Variants in TOX observed in about 807,000 individuals in gnomAD.
TOX encodes the protein thymocyte selection associated high mobility group box.
In TOX, 11 loss-of-function variants were observed where a neutral mutation model predicts 53.7. That is an observed-to-expected ratio of 0.20 (90% CI 0.13 to 0.34). The LOEUF (loss-of-function observed/expected upper bound fraction) is 0.34. TOX is among the 10% of genes least tolerant of loss of function. The pLI is 1.00. For missense variants in TOX, 570 were observed against 664.6 expected (o/e 0.86, Z 1.56); for synonymous variants, 225 against 245.3 (o/e 0.92, Z 0.77).
At chr8:58,906,070 A>G (rs755806576) in intron 3 of TOX, among the ~76,000 whole-genome samples, 5 of 152,328 alleles carry the variant, frequency 3.3e-5, no homozygotes, top group Non-Finnish European at 7.3e-5. Context: ...CTTCCTATTA[A>G]TCTTTCCCTG....
chr8:59,058,367 G>GA (rs1408674578), intron 1 of TOX, among the ~76,000 whole-genome samples: 2 of 152,188 alleles, frequency 1.3e-5, no homozygotes, highest in Admixed American at 1.3e-4. Context: ...AGGTGGGAAT[G>GA]AAAAATAGCA....
At chr8:58,970,920 A>G (rs1812990614) in intron 1 of TOX, among the ~76,000 whole-genome samples, 1 of 152,242 alleles carries the variant, frequency 6.6e-6, no homozygotes, top group Non-Finnish European at 1.5e-5. Context: ...CTAATTTTCC[A>G]GGGATACTGG....
intron 6 of TOX, among the ~76,000 whole-genome samples, chr8:58,823,519 T>C (rs1459523299): frequency 1.3e-5 from 2 of 152,190 alleles, no homozygotes; most frequent in East Asian, 3.9e-4. Flanking sequence ...CCACCGTGCC[T>C]GGCTGGTATA....
At chr8:59,001,969 C>CTTTTTT (rs1182278313) in intron 1 of TOX, among the ~76,000 whole-genome samples, 5 of 114,634 alleles carry the variant, frequency 4.4e-5, no homozygotes, top group Non-Finnish European at 5.1e-5. Context: ...TACAGAAGTA[C>CTTTTTT]TTTTTTTTTT....
intron 1 of TOX, among the ~76,000 whole-genome samples, chr8:59,097,293 T>G (rs1804728986): frequency 6.6e-6 from 1 of 152,162 alleles, no homozygotes; most frequent in African/African-American, 2.4e-5. Context: ...GTTAATGAGT[T>G]TCAGAAGTGT....
intron 1 of TOX, among the ~76,000 whole-genome samples, chr8:59,032,570 C>T (rs1814378583): frequency 6.6e-6 from 1 of 152,104 alleles, no homozygotes; most frequent in Admixed American, 6.6e-5. Flanking sequence ...TAATGCCTGC[C>T]CTTTCTTTAA....
chr8:58,928,271 G>A (rs1041417365), intron 3 of TOX, among the ~76,000 whole-genome samples: 3 of 152,216 alleles, frequency 2.0e-5, no homozygotes, highest in East Asian at 3.8e-4. Flanking sequence ...CCAGCCTTGT[G>A]TGCTATGGAA....
At chr8:58,896,415 C>T (rs796840158) in intron 3 of TOX, among the ~76,000 whole-genome samples, 2 of 152,098 alleles carry the variant, frequency 1.3e-5, no homozygotes, top group African/African-American at 2.4e-5. Context: ...CAGTGGCTCA[C>T]GCCTGTAATC....
rs540348283 is a variant in TOX at position 58,976,318 on chromosome 8, TCTTTG to T, written c.103-16315_103-16311del. 9.9e-3 allele frequency among the ~76,000 whole-genome samples: 1,514 copies of T among 152,356 alleles called. 5 individuals carry two copies. The highest frequency in any genetic ancestry group is 0.017 in the Non-Finnish European group (1,148 of 68,018). On this transcript the variant is annotated intron_variant, in intron 1 of 8. Coordinates refer to ENST00000361421, the MANE Select transcript of TOX (RefSeq NM_014729.3). ...GTGATTCTATCTGAAGAAACCACTCTCTTTGCTTATCCATATGAAGACTCCTCATC... is the reference window on the plus strand; with the variant it reads ...GTGATTCTATCTGAAGAAACCACTCTCTTATCCATATGAAGACTCCTCATC...
intron 1 of TOX, among the ~76,000 whole-genome samples, chr8:59,054,212 A>G (rs1283258773): frequency 2.0e-5 from 3 of 152,246 alleles, no homozygotes; most frequent in African/African-American, 4.8e-5. Flanking sequence ...TCAATAAATA[A>G]TTTACACTGT....
chr8:58,964,976 A>T (rs2129178992), intron 1 of TOX, among the ~76,000 whole-genome samples: 2 of 152,248 alleles, frequency 1.3e-5, no homozygotes, highest in Middle Eastern at 3.4e-3. Context: ...AGATTAGGTG[A>T]GCATTATTAG....
intron 1 of TOX, among the ~76,000 whole-genome samples, chr8:58,986,836 C>G (rs1813338265): frequency 6.6e-6 from 1 of 152,040 alleles, no homozygotes; most frequent in Admixed American, 6.6e-5. Flanking sequence ...AGACAAAGGA[C>G]ACATTAAGAC....
At chr8:59,066,409 A>G (rs1229231461) in intron 1 of TOX, among the ~76,000 whole-genome samples, 1 of 152,212 alleles carries the variant, frequency 6.6e-6, no homozygotes, top group Non-Finnish European at 1.5e-5. Context: ...GCTTTTTCAA[A>G]ACAGATTAAT....
In TOX at chr8:58,819,830, T is replaced by C. The variant is rs532099141; in HGVS notation, c.1006-4106A>G. Among the ~76,000 whole-genome samples the C allele has an allele frequency of 5.3e-5, 8 of 152,312 alleles. No homozygotes were observed. In the East Asian group the frequency reaches 1.3e-3, roughly 26 times the overall value. The stretch of plus-strand genomic sequence containing the variant: ...ACAATATAAGAGTTGCTGAACCAAA[T>C]CAAATTAATAGTCCATCTAATTTGA... On this transcript the variant is annotated intron_variant, in intron 6 of 8. Coordinates refer to ENST00000361421, the MANE Select transcript of TOX (RefSeq NM_014729.3).
rs1201008784 is a variant in TOX at position 58,864,818 on chromosome 8, T to C, written c.412-13013A>G. Among the ~76,000 whole-genome samples, 3 of 152,130 alleles carry C rather than the reference T, an allele frequency of 2.0e-5. 1 individual carries two copies. Among genetic ancestry groups the C allele is most frequent in the Non-Finnish European group, 4.4e-5 (3 of 68,020 alleles). On this transcript the variant is annotated intron_variant, in intron 3 of 8. Transcript: ENST00000361421. ...GATCATGGCTTAATTATGTGAAAGC[T>C]TAATAACTCTCTGAGACAAAATTGA...
chr8:58,899,444 GTC>G (rs1442295992), intron 3 of TOX, among the ~76,000 whole-genome samples: 1 of 152,144 alleles, frequency 6.6e-6, no homozygotes, highest in Non-Finnish European at 1.5e-5. Flanking sequence ...CTATATTGGA[GTC>G]TCTCACACAG....
rs558178067 is a variant in TOX at position 59,031,083 on chromosome 8, T to C, written c.103-71075A>G. ...GCAATTTTCCACTTTGGAGCCCAGT[T>C]GGTATGACACATTCCAGTTGGGTAT... On this transcript the variant is annotated intron_variant, in intron 1 of 8. Coordinates refer to ENST00000361421, the MANE Select transcript of TOX (RefSeq NM_014729.3). Among the ~76,000 whole-genome samples, 7 of 152,320 alleles carry C rather than the reference T, an allele frequency of 4.6e-5. No homozygotes were observed. In the South Asian group the frequency reaches 1.0e-3, roughly 23 times the overall value.
At chr8:59,081,125 C>T (rs1052668541) in intron 1 of TOX, among the ~76,000 whole-genome samples, 1 of 152,148 alleles carries the variant, frequency 6.6e-6, no homozygotes, top group African/African-American at 2.4e-5. Flanking sequence ...CTCCTGGGTT[C>T]AAGTGATTCT....
At chr8:58,906,578 G>A (rs1283648716) in intron 3 of TOX, among the ~76,000 whole-genome samples, 1 of 152,034 alleles carries the variant, frequency 6.6e-6, no homozygotes, top group African/African-American at 2.4e-5. Flanking sequence ...AAAACCATAA[G>A]ATAAAAAAAG....
Sources: gnomAD v4.1 joint callset for allele counts (sites outside exome capture counted in the v4.1 genomes callset) on GRCh38, gnomAD v4.1.1 for gene constraint, MANE v1.5 for transcripts, NCBI Gene and HGNC (gene_info 2026-07-23, HGNC 2026-07-21) for gene names.